Variants in DSC1 observed in about 807,000 individuals in gnomAD.
The protein encoded by DSC1 is desmocollin-1.
In DSC1, 79 loss-of-function variants were observed where a neutral mutation model predicts 98.8. The ratio of observed to expected loss-of-function variants is 0.80; its 90% CI spans 0.67 to 0.96. The LOEUF (loss-of-function observed/expected upper bound fraction) is 0.96, where lower values mean the gene tolerates loss of function less well. Among genes scored for constraint, DSC1 ranks in the 50% least tolerant of loss-of-function variants. The pLI is 0.00. For synonymous variants in DSC1, 405 were observed against 372.1 expected (o/e 1.09, Z -1.02); for missense variants, 1,115 against 1,075.9 (o/e 1.04, Z -0.51).
chr18:31,135,343 G>A (rs1468774843), intron 11 of DSC1, among the ~76,000 whole-genome samples: 1 of 152,004 alleles, frequency 6.6e-6, no homozygotes, highest in South Asian at 2.1e-4. Context: ...CATGAAACTC[G>A]TGACTTCCAC....
At chr18:31,160,142 G>T (rs1989183095) in intron 1 of DSC1, among the ~76,000 whole-genome samples, 1 of 151,974 alleles carries the variant, frequency 6.6e-6, no homozygotes, top group African/African-American at 2.4e-5. Context: ...CCTTCAGATG[G>T]GTGAAGATTT....
chr18:31,148,823 C>T (rs1988902246), intron 5 of DSC1, among the ~76,000 whole-genome samples, 181 bp from the exon 6 acceptor site: 1 of 152,070 alleles, frequency 6.6e-6, no homozygotes, highest in Non-Finnish European at 1.5e-5. Flanking sequence ...CATGTGATTT[C>T]AATCCCCTCT....
chr18:31,142,124 C>A lies in DSC1; in HGVS notation c.1135G>T (p.Asp379Tyr). 6.2e-7 allele frequency: 1 copy of A among 1,613,086 alleles called. No individual in the cohort carries two copies. The highest frequency in any genetic ancestry group is 1.1e-5 in the South Asian group (1 of 90,908). Residue 379 changes from aspartate (D) to tyrosine (Y), a missense_variant, in exon 9 of 16, where the codon GAT becomes TAT. Physicochemically the swap from Asp to Tyr is radical, Grantham distance 160. Coordinates refer to ENST00000257198, the MANE Select transcript of DSC1 (RefSeq NM_024421.2). The part of the protein sequence containing the change: ...DVEILRMKVQ[D>Y]QDLPNTPHSK... The stretch of plus-strand genomic sequence containing the variant: ...TGAGGAGTGTTTGGCAAATCCTGAT[C>A]CTGTACCTTCATTCGTAAAATCTCC...
Position 31,140,041 on chromosome 18 carries a change from C to T in DSC1, c.1520+1G>A. 2 of 1,613,336 alleles carry T rather than the reference C, an allele frequency of 1.2e-6. No individual in the cohort carries two copies. The highest frequency in any genetic ancestry group is 8.5e-7 in the Non-Finnish European group (1 of 1,179,616). On this transcript the variant is annotated splice_donor_variant, in intron 10 of 15. Coordinates refer to ENST00000257198, the MANE Select transcript of DSC1 (RefSeq NM_024421.2). LOFTEE classifies it high-confidence loss of function. The stretch of plus-strand genomic sequence containing the variant: ...AAGGAGCTTTTTGAAAAGTACATCA[C>T]CTTAAGCCTTCACCACTGGATATTT...
At position 31,142,221 on chromosome 18, in the gene DSC1, C is replaced by T. The variant is rs762754019; in HGVS notation, c.1075-37G>A. 10 of 1,574,204 alleles carry T rather than the reference C, an allele frequency of 6.4e-6. No individual in the cohort carries two copies. The African/African-American group carries it at 1.1e-4, about 17-fold the overall frequency. On this transcript the variant is annotated intron_variant, in intron 8 of 15. Transcript: ENST00000257198. ...GCCCCTTATTATTATCAATTTACAACTTTGACAATGTAGCTTTATATTCTA... is the reference window on the plus strand; with the variant it reads ...GCCCCTTATTATTATCAATTTACAATTTTGACAATGTAGCTTTATATTCTA...
intron 2 of DSC1, among the ~76,000 whole-genome samples, chr18:31,158,229 T>C (rs1202188250): frequency 6.6e-6 from 1 of 152,210 alleles, no homozygotes; most frequent in Admixed American, 6.5e-5. Context: ...ATAGCACCAC[T>C]GCACTTCAGC....
chr18:31,138,869 T>G (rs1233810284), intron 11 of DSC1, among the ~76,000 whole-genome samples: 1 of 152,076 alleles, frequency 6.6e-6, no homozygotes, highest in East Asian at 1.9e-4. Context: ...ATAGGCTATG[T>G]TATAAAAGCC....
intron 11 of DSC1, among the ~76,000 whole-genome samples, chr18:31,137,874 C>G (rs1988644711): frequency 6.6e-6 from 1 of 151,794 alleles, no homozygotes; most frequent in South Asian, 2.1e-4. Flanking sequence ...GCCAGACTGA[C>G]AGAGGATTGA....
rs1459657384 is a variant in DSC1, at chr18:31,152,179, A to AC, written c.627+2594_627+2595insG. 2.6e-5 allele frequency among the ~76,000 whole-genome samples: 4 copies of AC among 152,050 alleles called. No homozygotes were observed. The East Asian group carries it at 5.8e-4, about 22-fold the overall frequency. On this transcript the variant is annotated intron_variant, in intron 5 of 15. Coordinates refer to ENST00000257198, the MANE Select transcript of DSC1 (RefSeq NM_024421.2). ...CCTATATCAAAAAAACAACAAAAAA[A>AC]AACAAGATAATAAAAGATAGTAAGG...
At position 31,131,860 on chromosome 18, in the gene DSC1, G is replaced by C. The variant is rs778047871; in HGVS notation, c.2239-18C>G. 3.1e-6 allele frequency: 5 copies of C among 1,608,840 alleles called. No individual in the cohort carries two copies. The highest frequency in any genetic ancestry group is 4.2e-6 in the Non-Finnish European group (5 of 1,176,540). Reference sequence around the variant, plus strand: ...TTTGCTTCCTAAAAGTAAAGTGAGAGTGATAAAGTGAATTTGAAAAATGGA... The same window carrying C: ...TTTGCTTCCTAAAAGTAAAGTGAGACTGATAAAGTGAATTTGAAAAATGGA... On this transcript the variant is annotated intron_variant, in intron 14 of 15. Coordinates refer to ENST00000257198, the MANE Select transcript of DSC1 (RefSeq NM_024421.2).
intron 6 of DSC1, 49 bp downstream of exon 6, chr18:31,148,449 G>T (rs758132707): frequency 2.2e-5 from 33 of 1,502,768 alleles, no homozygotes; most frequent in Non-Finnish European, 2.8e-5. Flanking sequence ...TAATACTTAC[G>T]AAATGTCAAA....
chr18:31,138,099 A>G (rs1433473216), intron 11 of DSC1, among the ~76,000 whole-genome samples: 1 of 151,914 alleles, frequency 6.6e-6, no homozygotes, highest in Non-Finnish European at 1.5e-5. Context: ...TTTTTATTAA[A>G]CACACCCAGG....
intron 11 of DSC1, among the ~76,000 whole-genome samples, chr18:31,137,500 T>C (rs1988636179): frequency 6.6e-6 from 1 of 152,126 alleles, no homozygotes; most frequent in Non-Finnish European, 1.5e-5. Flanking sequence ...TATCAGCACC[T>C]GCACTGTGCA....
intron 1 of DSC1, among the ~76,000 whole-genome samples, chr18:31,161,811 G>C (rs1209792780): frequency 3.9e-5 from 6 of 152,220 alleles, no homozygotes; most frequent in Admixed American, 1.3e-4. Context: ...TGGAGAAAAT[G>C]TTTGTCCTCA....
At chr18:31,155,198 A>G (rs1303175915) in intron 4 of DSC1, among the ~76,000 whole-genome samples, 1 of 152,194 alleles carries the variant, frequency 6.6e-6, no homozygotes, top group Non-Finnish European at 1.5e-5. Flanking sequence ...ACACTTTTCA[A>G]GTTTTATCTA....
intron 7 of DSC1, 34 bp from the exon 8 acceptor site, chr18:31,143,825 C>A: frequency 6.7e-7 from 1 of 1,493,100 alleles, no homozygotes; most frequent in South Asian, 1.4e-5. Context: ...TTAATGAACA[C>A]TTTTATTTCC....
At chr18:31,143,112 T>C (rs1010422543) in intron 8 of DSC1, among the ~76,000 whole-genome samples, 1 of 151,722 alleles carries the variant, frequency 6.6e-6, no homozygotes, top group African/African-American at 2.4e-5. Context: ...TATAAATATA[T>C]ATATGTGTAC....
intron 5 of DSC1, among the ~76,000 whole-genome samples, chr18:31,150,318 C>T (rs60543848): frequency 1.1e-4 from 8 of 71,990 alleles, no homozygotes; most frequent in East Asian, 5.1e-4. Context: ...ACCACTACTA[C>T]CATCATCACC....
chr18:31,132,375 A>G, intron 14 of DSC1, 193 bp downstream of exon 14: 1 of 606,024 alleles, frequency 1.7e-6, no homozygotes, highest in South Asian at 2.4e-5. Context: ...TAAGTCACTC[A>G]GTTTGTTGTG....
Sources: allele counts gnomAD v4.1 joint callset (sites outside exome capture counted in the v4.1 genomes callset), GRCh38; gene constraint gnomAD v4.1.1; transcripts MANE v1.5; gene names NCBI Gene and HGNC (gene_info 2026-07-23, HGNC 2026-07-21).